The following IDO2 variants were observed in gnomAD, a reference collection of about 807,000 sequenced individuals.
IDO2 encodes the protein indoleamine 2,3-dioxygenase-like 1 protein.
IDO2 carries 46 observed loss-of-function variants against 45.1 expected under a neutral mutation model. The ratio of observed to expected loss-of-function variants is 1.02; its 90% CI spans 0.80 to 1.30. The LOEUF is 1.30. IDO2 is among the 50% of genes most tolerant of loss of function. The pLI is 0.00. For missense variants in IDO2, 544 were observed against 491.8 expected (o/e 1.11, Z -1.00); for synonymous variants, 218 against 184.9 (o/e 1.18, Z -1.45).
chr8:39,951,478 C>T (rs752662014), intron 2 of IDO2, among the ~76,000 whole-genome samples: 12 of 152,038 alleles, frequency 7.9e-5, no homozygotes, highest in Non-Finnish European at 1.3e-4. Context: ...TGGGACAATT[C>T]GGATGAGTCG....
At chr8:39,968,912 A>C (rs1215904375) in intron 3 of IDO2, among the ~76,000 whole-genome samples, 1 of 152,032 alleles carries the variant, frequency 6.6e-6, no homozygotes, top group African/African-American at 2.4e-5. Context: ...ACAAACAACA[A>C]CACCTAACTG....
intron 8 of IDO2, among the ~76,000 whole-genome samples, chr8:39,994,075 G>T (rs1483208911): frequency 6.6e-6 from 1 of 152,036 alleles, no homozygotes; most frequent in Non-Finnish European, 1.5e-5. Flanking sequence ...TACATAACTT[G>T]CATAATATGA....
At chr8:39,950,331 A>G (rs1807794842) in intron 2 of IDO2, among the ~76,000 whole-genome samples, 1 of 152,182 alleles carries the variant, frequency 6.6e-6, no homozygotes. Context: ...CAGGAGTTCA[A>G]GACCAGGTTG....
At chr8:40,009,358 G>C (rs959033976) in intron 9 of IDO2, among the ~76,000 whole-genome samples, 1 of 151,380 alleles carries the variant, frequency 6.6e-6, no homozygotes, top group Non-Finnish European at 1.5e-5. Flanking sequence ...GGAGAATGGA[G>C]ATATTTCATA....
At chr8:39,941,866 C>T (rs1807648103) in intron 1 of IDO2, among the ~76,000 whole-genome samples, 1 of 152,030 alleles carries the variant, frequency 6.6e-6, no homozygotes, top group African/African-American at 2.4e-5. Context: ...AGAAGGATAG[C>T]TACAGCCCAG....
chr8:39,966,233 T>C (rs1333227663), intron 3 of IDO2, among the ~76,000 whole-genome samples: 1 of 152,058 alleles, frequency 6.6e-6, no homozygotes, highest in East Asian at 1.9e-4. Context: ...TTCACCATAT[T>C]GGCCAGGCTG....
At chr8:39,968,278 T>C (rs1028165497) in intron 3 of IDO2, among the ~76,000 whole-genome samples, 1 of 152,196 alleles carries the variant, frequency 6.6e-6, no homozygotes, top group Non-Finnish European at 1.5e-5. Flanking sequence ...GCCTATATTG[T>C]ATGATTCTTT....
At chr8:39,963,058 C>A (rs1397557277) in intron 2 of IDO2, among the ~76,000 whole-genome samples, 1 of 152,222 alleles carries the variant, frequency 6.6e-6, no homozygotes, top group Non-Finnish European at 1.5e-5. Context: ...GGGACCCTTC[C>A]CTATCTGCCT....
At chr8:40,003,399 A>G (rs1224554975) in intron 8 of IDO2, among the ~76,000 whole-genome samples, 1 of 147,450 alleles carries the variant, frequency 6.8e-6, no homozygotes, top group African/African-American at 2.5e-5. Flanking sequence ...AAAGAAAACG[A>G]GAATATATCC....
At chr8:40,015,617 C>A (rs773715519) in exon 11 of IDO2, 4 of 1,577,898 alleles carry the variant, frequency 2.5e-6, no homozygotes, top group Non-Finnish European at 3.5e-6. Context: ...CTGCCCTCTC[C>A]CCAGCAATGC....
chr8:39,989,154 A>C (rs72630544), intron 7 of IDO2, among the ~76,000 whole-genome samples: 1 of 152,134 alleles, frequency 6.6e-6, no homozygotes, highest in Non-Finnish European at 1.5e-5. Flanking sequence ...TTCACGAGGC[A>C]GCAGGAGAGA....
intron 1 of IDO2, among the ~76,000 whole-genome samples, chr8:39,945,277 A>T (rs1807713191): frequency 6.6e-6 from 1 of 152,260 alleles, no homozygotes; most frequent in Non-Finnish European, 1.5e-5. Context: ...AATAGGCTAT[A>T]GGAGGAGTTA....
At chr8:39,966,644 A>G (rs1016440500) in intron 3 of IDO2, among the ~76,000 whole-genome samples, 3 of 152,194 alleles carry the variant, frequency 2.0e-5, no homozygotes, top group Non-Finnish European at 4.4e-5. Context: ...CAACATACCT[A>G]TCTGTATCTT....
At position 39,967,677 on chromosome 8, in the gene IDO2, G is replaced by T. The variant is rs574641127; in HGVS notation, c.195+3974G>T. ...TAATTTTTGTATTTTTATTAGAGAC[G>T]GGGTTTCACCATGTTGGCCAGGCTG... On this transcript the variant is annotated intron_variant, in intron 3 of 10. Coordinates refer to ENST00000502986, the Ensembl canonical transcript of IDO2. 4.6e-5 allele frequency among the ~76,000 whole-genome samples: 7 copies of T among 152,024 alleles called. No homozygotes were observed. The East Asian group carries it at 1.4e-3, about 29-fold the overall frequency.
chr8:39,937,178 A>G (rs1179822845), intron 1 of IDO2, among the ~76,000 whole-genome samples: 5 of 152,224 alleles, frequency 3.3e-5, no homozygotes, highest in Non-Finnish European at 7.3e-5. Context: ...CGTTTGAGTG[A>G]CACAGTAAAC....
intron 3 of IDO2, among the ~76,000 whole-genome samples, chr8:39,966,389 A>G (rs1339859142): frequency 6.6e-6 from 1 of 152,154 alleles, no homozygotes; most frequent in African/African-American, 2.4e-5. Context: ...TTTAGACTTT[A>G]CCACCAAAGG....
chr8:39,953,585 A>G (rs765970982), intron 2 of IDO2, among the ~76,000 whole-genome samples: 2 of 151,990 alleles, frequency 1.3e-5, no homozygotes, highest in Admixed American at 1.3e-4. Context: ...TATTTTTGAG[A>G]CAGAGTCCGC....
intron 3 of IDO2, among the ~76,000 whole-genome samples, chr8:39,972,183 G>A (rs929054019): frequency 5.3e-5 from 8 of 152,224 alleles, no homozygotes; most frequent in East Asian, 1.9e-4. Context: ...GAATTTACTC[G>A]TGGTGAAAAT....
intron 2 of IDO2, among the ~76,000 whole-genome samples, chr8:39,949,756 C>T (rs1276615279): frequency 6.6e-6 from 1 of 152,110 alleles, no homozygotes; most frequent in Non-Finnish European, 1.5e-5. Context: ...TGTCCTGGAT[C>T]ACTATTGCGA....
Sources: gnomAD v4.1 joint callset for allele counts (sites outside exome capture counted in the v4.1 genomes callset) on GRCh38, gnomAD v4.1.1 for gene constraint, MANE v1.5 for transcripts, NCBI Gene and HGNC (gene_info 2026-07-23, HGNC 2026-07-21) for gene names.